Variants in SBF2 observed in about 807,000 individuals in gnomAD.
SBF2 encodes the protein myotubularin-related protein 13.
Under a neutral mutation model 225.2 loss-of-function variants are expected in SBF2, and 112 were observed. The ratio of observed to expected loss-of-function variants is 0.50; its 90% CI spans 0.43 to 0.58. The LOEUF is 0.58. Ranked by LOEUF, SBF2 falls within the 20% of genes least tolerant of loss-of-function variation. The pLI is 0.00. For missense variants in SBF2, 1,996 were observed against 2,206.2 expected, an observed-to-expected ratio of 0.90 and a Z score of 1.91; for synonymous variants, 763 against 773.3, an observed-to-expected ratio of 0.99 and a Z score of 0.22.
In SBF2 at chr11:9,992,971, A is replaced by C; in HGVS notation, c.1167+19T>G. The stretch of plus-strand genomic sequence containing the variant: ...AGAATATATTTTTTGGACAGATACA[A>C]TATAGTACTCTATCTTACCTTGTGG... On this transcript the variant is annotated intron_variant, in intron 11 of 39. Transcript: ENST00000256190. The C allele has an allele frequency of 6.6e-7, 1 of 1,516,044 alleles. No individual in the cohort carries two copies. The highest frequency in any genetic ancestry group is 1.1e-5 in the South Asian group (1 of 89,018). The allele number at this position is 1,516,044 out of a possible 1,614,324, so 93.9% of individuals were successfully genotyped here. A position where few individuals can be genotyped will look rare whatever the true frequency, so the allele number is the denominator to read the frequency against.
chr11:10,092,805 G>C (rs1316878560), intron 2 of SBF2, among the ~76,000 whole-genome samples: 2 of 152,092 alleles, frequency 1.3e-5, no homozygotes, highest in African/African-American at 4.8e-5. Flanking sequence ...AAGTGAGAGA[G>C]AAAGAACATC....
At chr11:10,217,302 G>T (rs1431317204) in intron 1 of SBF2, among the ~76,000 whole-genome samples, 1 of 152,096 alleles carries the variant, frequency 6.6e-6, no homozygotes, top group East Asian at 1.9e-4. Context: ...CAGAAAAGAG[G>T]TCTTATTTTG....
At chr11:10,175,275 T>C (rs1160580973) in intron 2 of SBF2, among the ~76,000 whole-genome samples, 1 of 151,604 alleles carries the variant, frequency 6.6e-6, no homozygotes, top group African/African-American at 2.4e-5. Flanking sequence ...CCATCTCACG[T>C]GCAGAGACAC....
chr11:10,175,604 G>A (rs1459227687), intron 2 of SBF2, among the ~76,000 whole-genome samples: 11 of 150,952 alleles, frequency 7.3e-5, no homozygotes, highest in Middle Eastern at 6.8e-3. Context: ...ACAGATCAAC[G>A]AGACAGAAAG....
At chr11:10,088,970 C>A (rs977572461) in intron 2 of SBF2, among the ~76,000 whole-genome samples, 3 of 152,280 alleles carry the variant, frequency 2.0e-5, no homozygotes, top group African/African-American at 7.2e-5. Flanking sequence ...TCATCGGCCC[C>A]AAGATCATCA....
intron 16 of SBF2, among the ~76,000 whole-genome samples, chr11:9,930,192 T>G (rs1377206710): frequency 6.6e-6 from 1 of 152,176 alleles, no homozygotes; most frequent in African/African-American, 2.4e-5. Flanking sequence ...AAAAATGTGT[T>G]TGAGCCTAGT....
chr11:10,017,585 C>T (rs904456043), intron 6 of SBF2, among the ~76,000 whole-genome samples: 5 of 152,128 alleles, frequency 3.3e-5, no homozygotes, highest in African/African-American at 1.2e-4. Context: ...TGTTTACTAT[C>T]TGTTACAAAT....
chr11:9,838,809 T>G (rs1050644414), intron 26 of SBF2: 5 of 152,166 alleles, frequency 3.3e-5, no homozygotes, highest in African/African-American at 7.2e-5. Context: ...GAAAATGTAA[T>G]TTTAGAAAAT....
chr11:10,162,569 T>C (rs1011088172), intron 2 of SBF2, among the ~76,000 whole-genome samples: 1 of 152,196 alleles, frequency 6.6e-6, no homozygotes, highest in Non-Finnish European at 1.5e-5. Flanking sequence ...ATCTTACAGA[T>C]ACCCTTAAAT....
At chr11:10,173,359 G>A (rs1335771456) in intron 2 of SBF2, among the ~76,000 whole-genome samples, 1 of 152,308 alleles carries the variant, frequency 6.6e-6, no homozygotes, top group East Asian at 1.9e-4. Context: ...AAGCGCAAGG[G>A]GTCAGGGAGT....
intron 2 of SBF2, among the ~76,000 whole-genome samples, chr11:10,177,962 C>T (rs1275876740): frequency 4.0e-5 from 6 of 148,922 alleles, no homozygotes; most frequent in South Asian, 4.2e-4. Context: ...GCTACAGTAA[C>T]CAAAACAGCA....
chr11:10,165,372 T>C (rs1955906311), intron 2 of SBF2, among the ~76,000 whole-genome samples: 2 of 152,186 alleles, frequency 1.3e-5, no homozygotes, highest in African/African-American at 4.8e-5. Flanking sequence ...GCCTTGCCCA[T>C]GCTTTCATGC....
At chr11:10,174,536 T>C (rs1322424885) in intron 2 of SBF2, among the ~76,000 whole-genome samples, 1 of 152,172 alleles carries the variant, frequency 6.6e-6, no homozygotes, top group African/African-American at 2.4e-5. Flanking sequence ...TACGTCTGAC[T>C]GGTGTACCTG....
chr11:9,915,628 T>C (rs1863020939), intron 16 of SBF2: 1 of 152,198 alleles, frequency 6.6e-6, no homozygotes, highest in East Asian at 1.9e-4. Flanking sequence ...AGACCAGACT[T>C]AAGGTTCCTG....
intron 2 of SBF2, among the ~76,000 whole-genome samples, chr11:10,119,786 T>C (rs1230778172): frequency 1.3e-5 from 2 of 152,200 alleles, no homozygotes; most frequent in East Asian, 3.8e-4. Context: ...CAATTACTTA[T>C]GTTTTTATGT....
intron 1 of SBF2, among the ~76,000 whole-genome samples, chr11:10,224,548 C>T (rs1958465329): frequency 6.6e-6 from 1 of 152,150 alleles, no homozygotes; most frequent in Non-Finnish European, 1.5e-5. Context: ...CTCAATGTCA[C>T]CCACTATATT....
intron 6 of SBF2, among the ~76,000 whole-genome samples, chr11:10,023,518 C>T (rs1948935594): frequency 6.6e-6 from 1 of 152,212 alleles, no homozygotes; most frequent in South Asian, 2.1e-4. Flanking sequence ...CACCCACTGG[C>T]AGTTATTTCT....
At chr11:10,242,016 GGACCTAACA>G (rs1468970357) in intron 1 of SBF2, among the ~76,000 whole-genome samples, 6 of 148,222 alleles carry the variant, frequency 4.0e-5, no homozygotes, top group African/African-American at 7.8e-5. Context: ...ACAGACCCTA[GGACCTAACA>G]TGCCTGCCCA....
intron 36 of SBF2, among the ~76,000 whole-genome samples, chr11:9,785,604 GTA>G (rs1397436230): frequency 1.3e-5 from 2 of 152,162 alleles, no homozygotes; most frequent in East Asian, 3.9e-4. Flanking sequence ...GCTCATGCAT[GTA>G]ATCCTAGCAC....
Sources: gnomAD v4.1 joint callset for allele counts (sites outside exome capture counted in the v4.1 genomes callset) on GRCh38, gnomAD v4.1.1 for gene constraint, MANE v1.5 for transcripts, NCBI Gene and HGNC (gene_info 2026-07-23, HGNC 2026-07-21) for gene names.